CWF19L2: variants seen among roughly 807,000 people sequenced by gnomAD.
CWF19L2 encodes the protein CWF19-like protein 2.
Under a neutral mutation model 111.7 loss-of-function variants are expected in CWF19L2, and 98 were observed. The observed-to-expected ratio is 0.88, with a 90% confidence interval of 0.75 to 1.04. The LOEUF (loss-of-function observed/expected upper bound fraction) is 1.04. Ranked by LOEUF, CWF19L2 falls within the 50% of genes least tolerant of loss-of-function variation. The probability of loss-of-function intolerance (pLI) is 0.00; values close to 1 mark genes in which losing one functional copy is unlikely to be tolerated. For synonymous variants in CWF19L2, 351 were observed against 342.9 expected (o/e 1.02, Z -0.26); for missense variants, 1,101 against 1,051.4 (o/e 1.05, Z -0.65).
At chr11:107,389,558 C>G (rs759789259) in intron 12 of CWF19L2, among the ~76,000 whole-genome samples, 19 of 152,068 alleles carry the variant, frequency 1.2e-4, no homozygotes, top group Admixed American at 3.3e-4. Flanking sequence ...ACAAAGAATG[C>G]TATTTGAAAC....
chr11:107,456,773 C>T (rs1466985918), intron 1 of CWF19L2, among the ~76,000 whole-genome samples: 1 of 151,798 alleles, frequency 6.6e-6, no homozygotes, highest in African/African-American at 2.4e-5. Context: ...GGTTATATAC[C>T]AAACAGAAAA....
chr11:107,352,446 A>C, intron 13 of CWF19L2, among the ~76,000 whole-genome samples: 1 of 152,142 alleles, frequency 6.6e-6, no homozygotes, highest in East Asian at 1.9e-4. Context: ...ATACCTGGTA[A>C]ATGAATGAAT....
rs115373139 is a variant in CWF19L2, at chr11:107,383,446, A to G, written c.1872+6628T>C. On this transcript the variant is annotated intron_variant, in intron 12 of 17. Coordinates refer to ENST00000282251, the MANE Select transcript of CWF19L2 (RefSeq NM_152434.3). ...TGTGATTTAAGAGTAGAGGAAAAAC[A>G]CACTTTAAAAGAGAGTTTTTCTCTA... Among the ~76,000 whole-genome samples the G allele has an allele frequency of 5.1e-3, 776 of 152,306 alleles. 5 individuals carry two copies. The highest frequency in any genetic ancestry group is 0.018 in the African/African-American group (730 of 41,566).
intron 8 of CWF19L2, among the ~76,000 whole-genome samples, chr11:107,420,422 A>C (rs1035207176): frequency 6.6e-6 from 1 of 152,150 alleles, no homozygotes; most frequent in East Asian, 1.9e-4. Flanking sequence ...CCAGGGACAA[A>C]GAACGTCATT....
chr11:107,328,439 G>A (rs1859795503), intron 17 of CWF19L2, among the ~76,000 whole-genome samples: 1 of 152,102 alleles, frequency 6.6e-6, no homozygotes, highest in African/African-American at 2.4e-5. Flanking sequence ...AGCTGTTAAT[G>A]GAAAGACTAT....
chr11:107,397,036 C>A (rs1482409527), intron 10 of CWF19L2, among the ~76,000 whole-genome samples: 1 of 152,120 alleles, frequency 6.6e-6, no homozygotes, highest in South Asian at 2.1e-4. Context: ...CCCCAAACAG[C>A]CCGTTCCTGC....
intron 9 of CWF19L2, among the ~76,000 whole-genome samples, chr11:107,417,035 GAGAT>G (rs1482940569): frequency 6.6e-6 from 1 of 152,206 alleles, no homozygotes; most frequent in Non-Finnish European, 1.5e-5. Flanking sequence ...CAGATTCAAA[GAGAT>G]AGAGCAGCAT....
Position 107,334,891 on chromosome 11 carries a change from A to T in CWF19L2, c.2429T>A (p.Ile810Asn). 6.3e-7 allele frequency: 1 copy of T among 1,588,820 alleles called. No individual in the cohort carries two copies. The highest frequency in any genetic ancestry group is 1.7e-5 in the Admixed American group (1 of 59,902). Residue 810 changes from isoleucine to asparagine, a missense_variant, in exon 16 of 18, where the codon ATC becomes AAC. Ile to Asn is a moderately radical substitution (Grantham distance 149). Coordinates refer to ENST00000282251, the MANE Select transcript of CWF19L2 (RefSeq NM_152434.3). Reference sequence around the variant, plus strand: ...AAAAAACATACTTACAGACTTTCTGATATCTTTTGAAGAGAGATCTATCAA... The same window carrying T: ...AAAAAACATACTTACAGACTTTCTGTTATCTTTTGAAGAGAGATCTATCAA... ...KKLIDLSSKDIRKSVPRGLPY... is the reference protein window; with the variant it reads ...KKLIDLSSKDNRKSVPRGLPY...
At chr11:107,449,111 A>T (rs1279338055) in intron 3 of CWF19L2, among the ~76,000 whole-genome samples, 1 of 151,320 alleles carries the variant, frequency 6.6e-6, no homozygotes, top group East Asian at 1.9e-4. Context: ...GCAAACCAGA[A>T]GACAATGGGA....
At chr11:107,437,344 T>A (rs1266590613) in intron 6 of CWF19L2, among the ~76,000 whole-genome samples, 1 of 152,118 alleles carries the variant, frequency 6.6e-6, no homozygotes, top group Non-Finnish European at 1.5e-5. Flanking sequence ...AACATTCTAA[T>A]CCCAAGTAGA....
intron 10 of CWF19L2, among the ~76,000 whole-genome samples, chr11:107,401,632 A>G (rs1477037242): frequency 6.6e-6 from 1 of 152,184 alleles, no homozygotes; most frequent in Admixed American, 6.5e-5. Context: ...GAGTAGAATC[A>G]ATATTGTGAA....
intron 10 of CWF19L2, among the ~76,000 whole-genome samples, chr11:107,401,802 G>A (rs1861003662): frequency 6.6e-6 from 1 of 152,114 alleles, no homozygotes; most frequent in Non-Finnish European, 1.5e-5. Flanking sequence ...GAACAAATCT[G>A]GAAGCATCAC....
chr11:107,363,493 C>A (rs1431590520), intron 12 of CWF19L2, among the ~76,000 whole-genome samples: 1 of 150,798 alleles, frequency 6.6e-6, no homozygotes, highest in East Asian at 2.0e-4. Flanking sequence ...ACTCTACAAG[C>A]CAGAAGAGAG....
chr11:107,414,781 C>T (rs1565274613), intron 10 of CWF19L2, among the ~76,000 whole-genome samples: 1 of 152,114 alleles, frequency 6.6e-6, no homozygotes, highest in Non-Finnish European at 1.5e-5. Flanking sequence ...CCTAAACCAC[C>T]ATAAAAATCC....
chr11:107,457,590 T>A lies in CWF19L2; in HGVS notation c.105+122A>T, dbSNP rs1455967531. On this transcript the variant is annotated intron_variant, in intron 1 of 17. Transcript: ENST00000282251. ...TTTACCGGCATTGCAAAGGGAGAAC[T>A]CACCCAAATTAAGGTGAGATTCAGT... 8.8e-6 allele frequency: 6 copies of A among 683,540 alleles called. No homozygotes were observed. The Admixed American group carries it at 1.4e-4, about 16-fold the overall frequency. The allele number at this position is 683,540 out of a possible 1,614,324, so 42.3% of individuals were successfully genotyped here.
Position 107,403,556 on chromosome 11 carries a change from C to A in CWF19L2, c.1618-10661G>T. 6 of 796,568 alleles carry A rather than the reference C, an allele frequency of 7.5e-6. 1 individual carries two copies. In the South Asian group the frequency reaches 8.0e-5, roughly 11 times the overall value. The allele number at this position is 796,568 out of a possible 1,614,324, so 49.3% of individuals were successfully genotyped here. A position where few individuals can be genotyped will look rare whatever the true frequency, so the allele number is the denominator to read the frequency against. Reference sequence around the variant, plus strand: ...CTCCTTGTCCTCAGTAGTAGACGTGCCTTCTTCACCATTCTGTTGACTCTC... The same window carrying A: ...CTCCTTGTCCTCAGTAGTAGACGTGACTTCTTCACCATTCTGTTGACTCTC... On this transcript the variant is annotated intron_variant, in intron 10 of 17. Coordinates refer to ENST00000282251, the MANE Select transcript of CWF19L2 (RefSeq NM_152434.3).
At chr11:107,454,792 C>A (rs1302946840) in intron 2 of CWF19L2, among the ~76,000 whole-genome samples, 2 of 152,040 alleles carry the variant, frequency 1.3e-5, no homozygotes, top group African/African-American at 4.8e-5. Context: ...AGACTTCTTA[C>A]CAGAAAAATA....
At chr11:107,396,892 C>A (rs961819788) in intron 10 of CWF19L2, among the ~76,000 whole-genome samples, 1 of 152,106 alleles carries the variant, frequency 6.6e-6, no homozygotes, top group Admixed American at 6.6e-5. Context: ...CCGAACATAC[C>A]CCCCAACTGG....
chr11:107,450,440 G>A (rs1591212636), intron 3 of CWF19L2, among the ~76,000 whole-genome samples: 1 of 152,038 alleles, frequency 6.6e-6, no homozygotes, highest in Non-Finnish European at 1.5e-5. Flanking sequence ...CGTAGTCCCA[G>A]CTTTCAAGAG....
Sources: gnomAD v4.1 joint callset for allele counts (sites outside exome capture counted in the v4.1 genomes callset) on GRCh38, gnomAD v4.1.1 for gene constraint, MANE v1.5 for transcripts, NCBI Gene and HGNC (gene_info 2026-07-23, HGNC 2026-07-21) for gene names.